The following SLC25A21 variants were observed in gnomAD, a reference collection of about 807,000 sequenced individuals.
The protein encoded by SLC25A21 is solute carrier family 25 member 21.
A neutral mutation model predicts 43.8 loss-of-function variants in SLC25A21; 47 were observed. That is an observed-to-expected ratio of 1.07 (90% CI 0.85 to 1.37). The LOEUF (loss-of-function observed/expected upper bound fraction) is 1.37, where lower values mean the gene tolerates loss of function less well. SLC25A21 is among the 40% of genes most tolerant of loss of function. The probability of loss-of-function intolerance (pLI) is 0.00; values close to 1 mark genes in which losing one functional copy is unlikely to be tolerated. For missense variants in SLC25A21, 352 were observed against 350.2 expected (o/e 1.00, Z -0.04); for synonymous variants, 131 against 121.3 (o/e 1.08, Z -0.52).
At chr14:37,172,180 A>G in intron 1 of SLC25A21, 101 bp downstream of exon 1, 1 of 1,208,304 alleles carries the variant, frequency 8.3e-7, no homozygotes, top group Non-Finnish European at 1.1e-6. Context: ...TTTGAGGAAG[A>G]GGGCAGAACT....
chr14:36,743,886 T>C (rs2139245589), intron 3 of SLC25A21, among the ~76,000 whole-genome samples: 1 of 152,214 alleles, frequency 6.6e-6, no homozygotes, highest in East Asian at 1.9e-4. Context: ...CCAATAATAA[T>C]CAACCTGATA....
intron 2 of SLC25A21, among the ~76,000 whole-genome samples, chr14:36,874,714 C>T (rs1890468874): frequency 6.6e-6 from 1 of 152,210 alleles, no homozygotes; most frequent in Non-Finnish European, 1.5e-5. Context: ...AGCTACAAAT[C>T]ATATCTTACG....
chr14:36,904,299 G>A (rs1456611541), intron 1 of SLC25A21, among the ~76,000 whole-genome samples: 1 of 152,078 alleles, frequency 6.6e-6, no homozygotes, highest in African/African-American at 2.4e-5. Context: ...CAACTCAAAG[G>A]GCCATCTAGT....
intron 1 of SLC25A21, among the ~76,000 whole-genome samples, chr14:37,129,342 A>G (rs1963353620): frequency 6.6e-6 from 1 of 152,152 alleles, no homozygotes; most frequent in Non-Finnish European, 1.5e-5. Flanking sequence ...TGGAGACGAT[A>G]TTGTCCTTTC....
chr14:37,147,116 T>G (rs1181052390), intron 1 of SLC25A21, among the ~76,000 whole-genome samples: 1 of 152,152 alleles, frequency 6.6e-6, no homozygotes, highest in Non-Finnish European at 1.5e-5. Context: ...CCCTTGTCTC[T>G]TAGGACTAGG....
intron 8 of SLC25A21, 108 bp from the exon 9 acceptor site, chr14:36,683,988 A>T: frequency 1.4e-6 from 1 of 692,266 alleles, no homozygotes; most frequent in Non-Finnish European, 2.4e-6. Context: ...AATTATTTGG[A>T]ATTACACACA....
intron 3 of SLC25A21, among the ~76,000 whole-genome samples, chr14:36,777,229 G>A (rs1594578762): frequency 1.3e-5 from 2 of 152,196 alleles, no homozygotes; most frequent in Non-Finnish European, 1.5e-5. Context: ...CTGCACTTCC[G>A]CATGGGCAAC....
intron 1 of SLC25A21, among the ~76,000 whole-genome samples, chr14:37,057,471 C>A (rs1961855764): frequency 6.6e-6 from 1 of 152,134 alleles, no homozygotes; most frequent in Admixed American, 6.5e-5. Flanking sequence ...TTCTAGCTCC[C>A]TTTTCATACC....
At chr14:37,125,860 G>GT (rs927933721) in intron 1 of SLC25A21, among the ~76,000 whole-genome samples, 25 of 152,130 alleles carry the variant, frequency 1.6e-4, no homozygotes, top group Admixed American at 3.3e-4. Context: ...ATTGTACTGA[G>GT]TAAGTGTCAA....
chr14:37,041,865 C>T (rs1432371934), intron 1 of SLC25A21, among the ~76,000 whole-genome samples: 1 of 152,164 alleles, frequency 6.6e-6, no homozygotes, highest in Non-Finnish European at 1.5e-5. Flanking sequence ...ACTAGGAAAG[C>T]CTTCCTAATC....
intron 2 of SLC25A21, among the ~76,000 whole-genome samples, chr14:36,829,759 C>T (rs1888967738): frequency 2.0e-5 from 3 of 152,222 alleles, no homozygotes; most frequent in Admixed American, 2.0e-4. Context: ...AAACGTGCTA[C>T]CAAGCCCAAC....
intron 1 of SLC25A21, among the ~76,000 whole-genome samples, chr14:37,143,689 C>T (rs929964565): frequency 1.3e-5 from 2 of 151,884 alleles, no homozygotes; most frequent in African/African-American, 4.8e-5. Flanking sequence ...TCATCATTGT[C>T]AGCATGGATC....
At chr14:36,749,955 C>A (rs943360892) in intron 3 of SLC25A21, among the ~76,000 whole-genome samples, 1 of 152,188 alleles carries the variant, frequency 6.6e-6, no homozygotes, top group Non-Finnish European at 1.5e-5. Context: ...TATTTACTCT[C>A]TGTTGTTCCC....
chr14:37,048,551 G>C (rs563004178), intron 1 of SLC25A21, among the ~76,000 whole-genome samples: 2 of 151,884 alleles, frequency 1.3e-5, no homozygotes. Context: ...TTATTCAACA[G>C]ATTCAAAAAT....
rs961043883 is a variant in SLC25A21, at chr14:36,689,960, T to G, written c.604-5035A>C. Among the ~76,000 whole-genome samples, 6 of 152,374 alleles carry G rather than the reference T, an allele frequency of 3.9e-5. No homozygotes were observed. In the East Asian group the frequency reaches 1.2e-3, roughly 29 times the overall value. On this transcript the variant is annotated intron_variant, in intron 7 of 9. Transcript: ENST00000331299. ...GCTGTGTTGGGAAGCATTTTGAAGCTTTCCTTGGTGGAAACAGGGGTTGTT... is the reference window on the plus strand; with the variant it reads ...GCTGTGTTGGGAAGCATTTTGAAGCGTTCCTTGGTGGAAACAGGGGTTGTT...
intron 1 of SLC25A21, among the ~76,000 whole-genome samples, chr14:37,144,063 T>C (rs1045222471): frequency 1.3e-5 from 2 of 152,026 alleles, no homozygotes; most frequent in African/African-American, 4.8e-5. Flanking sequence ...CACTGATCCT[T>C]GGGGTCGAGG....
chr14:36,728,385 A>G (rs1284947599), intron 5 of SLC25A21, among the ~76,000 whole-genome samples: 1 of 152,152 alleles, frequency 6.6e-6, no homozygotes, highest in Non-Finnish European at 1.5e-5. Flanking sequence ...ACAATATTTT[A>G]TTGTTTCTCA....
chr14:36,791,363 C>G (rs949601124), intron 3 of SLC25A21, among the ~76,000 whole-genome samples: 1 of 152,090 alleles, frequency 6.6e-6, no homozygotes, highest in Non-Finnish European at 1.5e-5. Context: ...AAACACCCTA[C>G]CTGCTTTTTA....
At position 37,021,527 on chromosome 14, in the gene SLC25A21, C is replaced by T. The variant is rs78872857; in HGVS notation, c.71-146523G>A. ...CCTCCTCTATTTCTTCAGTAATTTACAACTCTGCTATGTAATGTCTCTCTT... is the reference window on the plus strand; with the variant it reads ...CCTCCTCTATTTCTTCAGTAATTTATAACTCTGCTATGTAATGTCTCTCTT... On this transcript the variant is annotated intron_variant, in intron 1 of 9. Transcript: ENST00000331299. Among the ~76,000 whole-genome samples, 850 of 152,062 alleles carry T rather than the reference C, an allele frequency of 5.6e-3. 56 individuals are homozygous for T. In the East Asian group the frequency reaches 0.14, roughly 25 times the overall value.
Sources: allele counts gnomAD v4.1 joint callset (sites outside exome capture counted in the v4.1 genomes callset), GRCh38; gene constraint gnomAD v4.1.1; transcripts MANE v1.5; gene names NCBI Gene and HGNC (gene_info 2026-07-23, HGNC 2026-07-21).